YJU2: variants seen among roughly 807,000 people sequenced by gnomAD.
YJU2 encodes the protein splicing factor YJU2.
A neutral mutation model predicts 39.6 loss-of-function variants in YJU2; 28 were observed. The observed-to-expected ratio is 0.71, with a 90% CI of 0.52 to 0.97. The LOEUF (loss-of-function observed/expected upper bound fraction) is 0.97. Among genes scored for constraint, YJU2 ranks in the 50% least tolerant of loss-of-function variants. The pLI, the probability that YJU2 is intolerant of heterozygous loss-of-function variation, is 0.00. For synonymous variants in YJU2, 184 were observed against 182.4 expected (o/e 1.01, Z -0.07); for missense variants, 328 against 430.4 (o/e 0.76, Z 2.11).
At chr19:4,249,201 C>T (rs753792493) in intron 1 of YJU2, 27 bp from the exon 2 acceptor site, 13 of 1,508,386 alleles carry the variant, frequency 8.6e-6, no homozygotes, top group Non-Finnish European at 1.2e-5. Context: ...AAAATAACTC[C>T]CCCAACGTTT....
At chr19:4,261,502 A>AT in intron 5 of YJU2, among the ~76,000 whole-genome samples, 1 of 150,322 alleles carries the variant, frequency 6.7e-6, no homozygotes, top group Non-Finnish European at 1.5e-5. Flanking sequence ...AGAAAAAAAA[A>AT]ATACAAAAAT....
At chr19:4,268,208 ATGC>A (rs1786948462) in intron 7 of YJU2, among the ~76,000 whole-genome samples, 1 of 152,004 alleles carries the variant, frequency 6.6e-6, no homozygotes, top group Admixed American at 6.6e-5. Context: ...GCCTCCCAAA[ATGC>A]TGGGATTACA....
intron 6 of YJU2, among the ~76,000 whole-genome samples, chr19:4,264,748 A>T (rs188943099): frequency 7.6e-4 from 116 of 152,022 alleles, no homozygotes; most frequent in Middle Eastern, 3.4e-3. Flanking sequence ...CGGCCGCCCA[A>T]AGTGCTGGGA....
chr19:4,263,636 C>T (rs974336456), intron 6 of YJU2, among the ~76,000 whole-genome samples: 3 of 151,836 alleles, frequency 2.0e-5, no homozygotes, highest in South Asian at 4.2e-4. Flanking sequence ...ATGGAGAAAC[C>T]CTGTCTCTAC....
intron 4 of YJU2, among the ~76,000 whole-genome samples, chr19:4,256,527 G>C (rs4807552): frequency 0.4 from 61,291 of 152,006 alleles, 14,233 homozygotes; most frequent in African/African-American, 0.64. Flanking sequence ...TCTTACCCTG[G>C]TGTTAGTCAG....
At chr19:4,256,181 A>ATATATATATATATATAT (rs1555725230) in intron 4 of YJU2, among the ~76,000 whole-genome samples, 1 of 125,898 alleles carries the variant, frequency 7.9e-6, no homozygotes, top group Non-Finnish European at 1.6e-5. Context: ...AAAAAAAAAA[A>ATATATATATATATATAT]ATATATATAT....
intron 6 of YJU2, among the ~76,000 whole-genome samples, chr19:4,263,270 C>T (rs1971087373): frequency 6.6e-6 from 1 of 152,172 alleles, no homozygotes; most frequent in African/African-American, 2.4e-5. Context: ...CATTCAGGGA[C>T]TCAGCCTCCT....
At chr19:4,268,485 T>G in intron 7 of YJU2, 99 bp from the exon 8 acceptor site, 1 of 779,018 alleles carries the variant, frequency 1.3e-6, no homozygotes, top group Non-Finnish European at 2.2e-6. Flanking sequence ...TGCTGTCACC[T>G]CTGGACCTTG....
At chr19:4,249,627 A>T (rs535450125) in intron 2 of YJU2, among the ~76,000 whole-genome samples, 1 of 151,630 alleles carries the variant, frequency 6.6e-6, no homozygotes, top group East Asian at 2.0e-4. Context: ...CTCCTCCAAC[A>T]GCCAAGCTCG....
chr19:4,258,016 C>T (rs903521480), intron 4 of YJU2, among the ~76,000 whole-genome samples: 1 of 152,240 alleles, frequency 6.6e-6, no homozygotes, highest in Non-Finnish European at 1.5e-5. Context: ...CAGATCCCGG[C>T]TCCACCACTG....
chr19:4,251,141 C>T lies in YJU2; in HGVS notation c.240C>T (p.Cys80=), dbSNP rs1272824404. The T allele has an allele frequency of 6.2e-7, 1 of 1,614,146 alleles. No individual in the cohort carries two copies. Among genetic ancestry groups the T allele is most frequent in the Non-Finnish European group, 8.5e-7 (1 of 1,180,022 alleles). The change falls in exon 3 of 8, where the codon TGC becomes TGT. Residue 80 remains cysteine (C), a synonymous_variant. Transcript: ENST00000262962. ...CCATCTTCCGCTTTTACATCAAGTG[C>T]ACGCGCTGCCTGGCAGAGATCACCT... The part of the protein sequence containing the change: ...GLPIFRFYIK[C]TRCLAEITFK...
At chr19:4,249,180 C>T in intron 1 of YJU2, 48 bp from the exon 2 acceptor site, 1 of 1,327,784 alleles carries the variant, frequency 7.5e-7, no homozygotes, top group South Asian at 1.3e-5. Flanking sequence ...CATGTCCTGC[C>T]CCTGCTTCTG....
chr19:4,255,064 A>AG (rs1360492424), intron 4 of YJU2, among the ~76,000 whole-genome samples: 1 of 149,040 alleles, frequency 6.7e-6, no homozygotes, highest in Non-Finnish European at 1.5e-5. Context: ...TCCAAAAAAA[A>AG]AAAAAAAAAA....
rs138445790 is a variant in YJU2, at chr19:4,259,697, C to T, written c.587+1274C>T. Among the ~76,000 whole-genome samples, 21 of 152,140 alleles carry T rather than the reference C, an allele frequency of 1.4e-4. No homozygotes were observed. The East Asian group carries it at 1.5e-3, about 11-fold the overall frequency. ...GTTGGCTGGTGAATGCCTTTGACGC[C>T]GACCACCTCTGAGCCCGCGTGCTGA... On this transcript the variant is annotated intron_variant, in intron 5 of 7. Transcript: ENST00000262962.
intron 3 of YJU2, 78 bp downstream of exon 3, chr19:4,251,249 C>T: frequency 1.6e-6 from 2 of 1,289,430 alleles, no homozygotes; most frequent in Non-Finnish European, 2.2e-6. Flanking sequence ...GGTTCCTTAA[C>T]TCCAATCCTC....
chr19:4,258,391 G>A lies in YJU2; in HGVS notation c.555G>A (p.Arg185=). 6.3e-7 allele frequency: 1 copy of A among 1,596,624 alleles called. No individual in the cohort carries two copies. ...GCCTGTCGGAGGAGGAGCGGCGGAG[G>A]CAGCAGCAGGAGGAGGACGAGCAGG... is the stretch of plus-strand genomic sequence containing the variant. ...QHRLSEEERR[R]QQQEEDEQET... is the part of the protein sequence containing the mutation. The change falls in exon 5 of 8, where the codon AGG becomes AGA. Residue 185 remains arginine, a synonymous_variant. Transcript: ENST00000262962.
chr19:4,261,588 G>A (rs1255352965), intron 5 of YJU2, among the ~76,000 whole-genome samples: 1 of 152,136 alleles, frequency 6.6e-6, no homozygotes, highest in Non-Finnish European at 1.5e-5. Flanking sequence ...TTCAACCTGG[G>A]AGGTGGGGGT....
rs1469165606 is a variant in YJU2, at chr19:4,269,007, C to T, written c.*311C>T. 3 of 349,934 alleles carry T rather than the reference C, an allele frequency of 8.6e-6. No individual in the cohort carries two copies. The highest frequency in any genetic ancestry group is 4.2e-5 in the African/African-American group (2 of 47,614). 21.7% of individuals were successfully genotyped at this position (349,934 alleles called of 1,614,324 possible). ...CTTCAGGGTGGCAGTGTTTGGGGCA[C>T]TGGGCGAGCCTGCCGGCCTCTAGAT... On this transcript the variant is annotated 3_prime_UTR_variant, in exon 8 of 8. Transcript: ENST00000262962.
chr19:4,253,218 C>G (rs1970991901), intron 3 of YJU2, among the ~76,000 whole-genome samples: 1 of 150,712 alleles, frequency 6.6e-6, no homozygotes. Context: ...CACACACACA[C>G]ACACACACAC....
Sources: allele counts gnomAD v4.1 joint callset (sites outside exome capture counted in the v4.1 genomes callset), GRCh38; gene constraint gnomAD v4.1.1; transcripts MANE v1.5; gene names NCBI Gene and HGNC (gene_info 2026-07-23, HGNC 2026-07-21).